The following ADIPOR1 variants were observed in gnomAD, a reference collection of about 807,000 sequenced individuals.
ADIPOR1 encodes adiponectin receptor protein 1.
In ADIPOR1, 15 loss-of-function variants were observed where a neutral mutation model predicts 37.5. That is an observed-to-expected ratio of 0.40 (90% CI 0.27 to 0.62). The LOEUF is 0.62. Ranked by LOEUF, ADIPOR1 falls within the 20% of genes least tolerant of loss-of-function variation. The probability of loss-of-function intolerance (pLI) is 0.42; values close to 1 mark genes in which losing one functional copy is unlikely to be tolerated. For synonymous variants in ADIPOR1, 173 were observed against 173.2 expected, an observed-to-expected ratio of 1.00 and a Z score of 0.01; for missense variants, 286 against 478.0, an observed-to-expected ratio of 0.60 and a Z score of 3.75.
chr1:202,953,855 T>G (rs1044842513), intron 1 of ADIPOR1, among the ~76,000 whole-genome samples: 1 of 152,218 alleles, frequency 6.6e-6, no homozygotes, highest in Admixed American at 6.5e-5. Context: ...GGTCACACAC[T>G]AAATTTAGTA....
rs1156649281 is a variant in ADIPOR1 at position 202,951,229 on chromosome 1, C to T, written c.-94-65G>A. 3.8e-6 allele frequency: 3 copies of T among 793,794 alleles called. No homozygotes were observed. The East Asian group carries it at 8.1e-5, about 21-fold the overall frequency. The allele number at this position is 793,794 out of a possible 1,614,324, so 49.2% of individuals were successfully genotyped here. On this transcript the variant is annotated intron_variant, in intron 1 of 7. Transcript: ENST00000340990. ...CCTCTTACAGTTTCATTTCTATACT[C>T]TAATACTGAATAAGAAGCTAATCAA... is the stretch of plus-strand genomic sequence containing the variant.
chr1:202,951,089 C>A lies in ADIPOR1; in HGVS notation c.-19G>T. ...AAGACATCTGGCTGGTACCTCAATACCCTGCAGCTTCAGCTTGGGGAAAGG... is the reference window on the plus strand; with the variant it reads ...AAGACATCTGGCTGGTACCTCAATAACCTGCAGCTTCAGCTTGGGGAAAGG... On this transcript the variant is annotated 5_prime_UTR_variant, in exon 2 of 8. Transcript: ENST00000340990. 6.2e-7 allele frequency: 1 copy of A among 1,613,412 alleles called. No homozygotes were observed. The highest frequency in any genetic ancestry group is 2.2e-5 in the East Asian group (1 of 44,868).
At chr1:202,953,595 T>C (rs1654665533) in intron 1 of ADIPOR1, among the ~76,000 whole-genome samples, 2 of 152,218 alleles carry the variant, frequency 1.3e-5, no homozygotes, top group South Asian at 2.1e-4. Flanking sequence ...TGGCTTCTCT[T>C]ATCCCTTTCC....
chr1:202,946,996 A>T (rs1027057562), intron 3 of ADIPOR1, among the ~76,000 whole-genome samples: 8 of 151,904 alleles, frequency 5.3e-5, no homozygotes, highest in Admixed American at 2.0e-4. Flanking sequence ...GGCACCTGTA[A>T]TCCCAGCTAC....
At chr1:202,942,453 T>A (rs1315791380) in intron 6 of ADIPOR1, among the ~76,000 whole-genome samples, 2 of 152,160 alleles carry the variant, frequency 1.3e-5, no homozygotes, top group African/African-American at 2.4e-5. Context: ...AGAACAAAGA[T>A]CTCATATTCT....
chr1:202,948,975 G>C (rs557317458), intron 2 of ADIPOR1, among the ~76,000 whole-genome samples: 1 of 151,754 alleles, frequency 6.6e-6, no homozygotes, highest in African/African-American at 2.4e-5. Flanking sequence ...ATTTTTAGTA[G>C]AGATGGGGTT....
At chr1:202,948,668 G>T (rs774421329) in intron 2 of ADIPOR1, among the ~76,000 whole-genome samples, 1 of 152,184 alleles carries the variant, frequency 6.6e-6, no homozygotes, top group Non-Finnish European at 1.5e-5. Flanking sequence ...CTGTCACAGA[G>T]ACTAGCATTG....
chr1:202,957,682 G>A (rs558294825), intron 1 of ADIPOR1, among the ~76,000 whole-genome samples: 36 of 152,268 alleles, frequency 2.4e-4, no homozygotes, highest in African/African-American at 7.9e-4. Context: ...TCAAAGTGAG[G>A]GCACTGTCAG....
chr1:202,953,521 C>G (rs1571569588), intron 1 of ADIPOR1, among the ~76,000 whole-genome samples: 1 of 152,152 alleles, frequency 6.6e-6, no homozygotes, highest in East Asian at 1.9e-4. Flanking sequence ...TCCAGCTTGC[C>G]AGCATATGAC....
intron 1 of ADIPOR1, among the ~76,000 whole-genome samples, chr1:202,957,156 C>T (rs1413346789): frequency 6.6e-6 from 1 of 152,210 alleles, no homozygotes; most frequent in Non-Finnish European, 1.5e-5. Flanking sequence ...AGATAGTATA[C>T]AACCTCAGGA....
chr1:202,953,433 T>C (rs1362556687), intron 1 of ADIPOR1, among the ~76,000 whole-genome samples: 2 of 152,098 alleles, frequency 1.3e-5, no homozygotes, highest in African/African-American at 4.8e-5. Flanking sequence ...TGAGATGCAA[T>C]ACATGGATCA....
At position 202,950,784 on chromosome 1, in the gene ADIPOR1, A is replaced by T. The variant is rs1654543699; in HGVS notation, c.141+146T>A. The T allele has an allele frequency of 2.6e-6, 3 of 1,136,864 alleles. No individual in the cohort carries two copies. In the East Asian group the frequency reaches 7.1e-5, roughly 27 times the overall value. 70.4% of individuals were successfully genotyped at this position (1,136,864 alleles called of 1,614,324 possible). On this transcript the variant is annotated intron_variant, in intron 2 of 7. Coordinates refer to ENST00000340990, the MANE Select transcript of ADIPOR1 (RefSeq NM_015999.6). Reference sequence around the variant, plus strand: ...GGGGAAAGCAGACAACAAGATGTTTATAACAGTATCATAGGGACTTGGATA... The same window carrying T: ...GGGGAAAGCAGACAACAAGATGTTTTTAACAGTATCATAGGGACTTGGATA...
At chr1:202,947,923 T>C (rs1654399746) in intron 3 of ADIPOR1, among the ~76,000 whole-genome samples, 1 of 152,226 alleles carries the variant, frequency 6.6e-6, no homozygotes, top group African/African-American at 2.4e-5. Flanking sequence ...TGCAGGTATC[T>C]CAAAATACTG....
At chr1:202,950,149 GA>G (rs1654509820) in intron 2 of ADIPOR1, among the ~76,000 whole-genome samples, 1 of 152,058 alleles carries the variant, frequency 6.6e-6, no homozygotes, top group African/African-American at 2.4e-5. Context: ...TTTTAGTAGA[GA>G]GGGGGCTTCA....
rs1654071670 is a variant in ADIPOR1, at chr1:202,941,294, A to ACAT, written c.*276_*278dup. The stretch of plus-strand genomic sequence containing the variant: ...GGTTGGAGGAGAGGGTAAAATCTCA[A>ACAT]CATGAGTTTCAAAGTACTGTCTCTG... On this transcript the variant is annotated 3_prime_UTR_variant, in exon 8 of 8. Coordinates refer to ENST00000340990, the MANE Select transcript of ADIPOR1 (RefSeq NM_015999.6). 1 of 252,450 alleles carries ACAT rather than the reference A, an allele frequency of 4.0e-6. No individual in the cohort carries two copies. Among genetic ancestry groups the ACAT allele is most frequent in the African/African-American group, 2.2e-5 (1 of 45,018 alleles). The allele number at this position is 252,450 out of a possible 1,614,324, so 15.6% of individuals were successfully genotyped here.
intron 3 of ADIPOR1, 75 bp from the exon 4 acceptor site, chr1:202,946,685 A>G: frequency 1.4e-6 from 2 of 1,479,866 alleles, no homozygotes; most frequent in South Asian, 1.2e-5. Context: ...ATGGAGAACT[A>G]GTCTAAGAAG....
Position 202,948,311 on chromosome 1 carries a change from A to C in ADIPOR1, c.251T>G (p.Val84Gly), listed in dbSNP as rs1332522758. 1 of 1,609,080 alleles carries C rather than the reference A, an allele frequency of 6.2e-7. No homozygotes were observed. Among genetic ancestry groups the C allele is most frequent in the Non-Finnish European group, 8.5e-7 (1 of 1,177,368 alleles). ...HHAMEKMEEF[V>G]YKVWEGRWRV... The stretch of plus-strand genomic sequence containing the variant: ...GAAGCTCATAGGCCATACCTTGTAC[A>C]CAAACTCTTCCATCTTCTCCATGGC... Residue 84 changes from valine (V) to glycine (G), a missense_variant, in exon 3 of 8, where the codon GTG becomes GGG. Coordinates refer to ENST00000340990, the MANE Select transcript of ADIPOR1 (RefSeq NM_015999.6).
rs2102479681 is a variant in ADIPOR1 at position 202,941,685 on chromosome 1, A to G, written c.1016T>C (p.Ile339Thr). ...KFDIWFQSHQ[I>T]FHVLVVAAAF... ...TGCTGCCACCACCAGGACATGGAAA[A>G]TCTGATGAGACTGGAACTGTAGGAA... Residue 339 changes from isoleucine (I) to threonine (T), a missense_variant, in exon 8 of 8, where the codon ATT becomes ACT. Ile to Thr is a moderately conservative substitution (Grantham distance 89). Transcript: ENST00000340990. 6.2e-7 allele frequency: 1 copy of G among 1,614,128 alleles called. No homozygotes were observed. Among genetic ancestry groups the G allele is most frequent in the African/African-American group, 1.3e-5 (1 of 75,044 alleles).
At chr1:202,942,278 G>A (rs1654125094) in intron 6 of ADIPOR1, 60 bp from the exon 7 acceptor site, 1 of 1,468,190 alleles carries the variant, frequency 6.8e-7, no homozygotes, top group Non-Finnish European at 9.2e-7. Flanking sequence ...GGAAGGCACT[G>A]CTGTCTTACT....
Sources: allele counts gnomAD v4.1 joint callset (sites outside exome capture counted in the v4.1 genomes callset), GRCh38; gene constraint gnomAD v4.1.1; transcripts MANE v1.5; gene names NCBI Gene and HGNC (gene_info 2026-07-23, HGNC 2026-07-21).